LAD1: variants seen among roughly 807,000 people sequenced by gnomAD.
LAD1 encodes ladinin 1, also known as ladinin-1.
In LAD1, 53 loss-of-function variants were observed where a neutral mutation model predicts 54.2. That is an observed-to-expected ratio of 0.98 (90% CI 0.78 to 1.23). LAD1 has a LOEUF of 1.23. Among genes scored for constraint, LAD1 ranks in the 50% most tolerant of loss-of-function variants. The pLI is 0.00. For synonymous variants in LAD1, 231 were observed against 257.7 expected (o/e 0.90, Z 0.99); for missense variants, 637 against 653.3 (o/e 0.98, Z 0.27).
At chr1:201,397,160 TG>T in intron 1 of LAD1, 1 of 152,604 alleles carries the variant, frequency 6.6e-6, no homozygotes. Flanking sequence ...CCTCCCCACC[TG>T]GGACCGTGCT....
rs1661988110 is a variant in LAD1 at position 201,382,730 on chromosome 1, T to G, written c.1396A>C (p.Arg466=). ...CTTGATGTCACAACCCCTGAGAGCC[T>G]CAAGTTCTCCTAAAAAGAGAACTTT... The part of the protein sequence containing the change: ...EPASSRKENL[R]LSGVVTSRLN... The change falls in exon 8 of 10, where the codon AGG becomes CGG. Residue 466 remains arginine (R), a synonymous_variant. Coordinates refer to ENST00000391967, the MANE Select transcript of LAD1 (RefSeq NM_005558.4). 4 of 1,601,546 alleles carry G rather than the reference T, an allele frequency of 2.5e-6. No homozygotes were observed. The highest frequency in any genetic ancestry group is 1.7e-6 in the Non-Finnish European group (2 of 1,174,032).
Position 201,385,733 on chromosome 1 carries a change from T to C in LAD1, c.1099A>G (p.Lys367Glu). ...PTQRTYSSSL[K>E]RSSPRTISFR... ...GAGATGGTCCTGGGGCTGGAGCGTT[T>C]GAGGGAGCTGCTGTAGGTTCGCTGT... Residue 367 changes from lysine to glutamate, a missense_variant, in exon 4 of 10, where the codon AAA (lysine) becomes GAA (glutamate). Lys to Glu is a moderately conservative substitution (Grantham distance 56). Transcript: ENST00000391967. 1 of 1,614,120 alleles carries C rather than the reference T, an allele frequency of 6.2e-7. No individual in the cohort carries two copies. The highest frequency in any genetic ancestry group is 8.5e-7 in the Non-Finnish European group (1 of 1,179,970).
At chr1:201,387,878 C>T (rs936222901) in intron 2 of LAD1, among the ~76,000 whole-genome samples, 17 of 152,230 alleles carry the variant, frequency 1.1e-4, no homozygotes, top group African/African-American at 3.6e-4. Context: ...TTTCCTTCCT[C>T]ATCACCCTGC....
At position 201,381,933 on chromosome 1, in the gene LAD1, T is replaced by C. The variant is rs1224843567; in HGVS notation, c.1549-40A>G. ...GCTGTTAGCACAAGTCAATGGGGTG[T>C]CAGGGATGGAAGGGGAAGGGGGCCA... On this transcript the variant is annotated intron_variant, in intron 9 of 9. Transcript: ENST00000391967. 1.9e-6 allele frequency: 3 copies of C among 1,608,450 alleles called. No individual in the cohort carries two copies. The African/African-American group carries it at 4.0e-5, about 22-fold the overall frequency.
intron 9 of LAD1, 98 bp from the exon 10 acceptor site, chr1:201,381,991 C>T: frequency 7.5e-7 from 1 of 1,326,374 alleles, no homozygotes; most frequent in South Asian, 1.3e-5. Context: ...GCCCAAGCCC[C>T]ACACCCACAA....
Position 201,382,652 on chromosome 1 carries a change from C to T in LAD1, c.1473+1G>A. The T allele has an allele frequency of 3.1e-6, 5 of 1,595,090 alleles. No homozygotes were observed. The highest frequency in any genetic ancestry group is 4.3e-6 in the Non-Finnish European group (5 of 1,170,370). ...AGAGACATCAGGGAGGGTGAGGATA[C>T]CTGGGGGTCCTGATCTCCAGATTCC... is the stretch of plus-strand genomic sequence containing the variant. On this transcript the variant is annotated splice_donor_variant, in intron 8 of 9. Coordinates refer to ENST00000391967, the MANE Select transcript of LAD1 (RefSeq NM_005558.4). LOFTEE classifies it high-confidence loss of function.
intron 1 of LAD1, among the ~76,000 whole-genome samples, chr1:201,389,668 AAAG>A (rs1282705111): frequency 6.6e-6 from 1 of 151,850 alleles, no homozygotes; most frequent in African/African-American, 2.4e-5. Context: ...AAAAAAAAAA[AAAG>A]ATTAGCCGGG....
intron 2 of LAD1, among the ~76,000 whole-genome samples, chr1:201,387,402 T>C (rs1662114408): frequency 6.6e-6 from 1 of 152,188 alleles, no homozygotes; most frequent in South Asian, 2.1e-4. Context: ...TAAATTCCTA[T>C]GAAGTCCAAC....
chr1:201,387,793 A>G (rs1382046889), intron 2 of LAD1, among the ~76,000 whole-genome samples: 1 of 152,014 alleles, frequency 6.6e-6, no homozygotes, highest in African/African-American at 2.4e-5. Context: ...TTCTTGGGGG[A>G]CCCAAAGAAA....
rs1226183303 is a variant in LAD1 at position 201,381,303 on chromosome 1, C to T, written c.*585G>A. On this transcript the variant is annotated 3_prime_UTR_variant, in exon 10 of 10. Coordinates refer to ENST00000391967, the MANE Select transcript of LAD1 (RefSeq NM_005558.4). ...TGGTTGCACACAAAAAGGCACTTAG[C>T]TCCTGGCCATGGCAGCCGGCCAGGG... 6.2e-6 allele frequency: 1 copy of T among 161,348 alleles called. No homozygotes were observed. The highest frequency in any genetic ancestry group is 2.4e-5 in the African/African-American group (1 of 41,362). 10.0% of individuals were successfully genotyped at this position (161,348 alleles called of 1,614,324 possible). A position where few individuals can be genotyped will look rare whatever the true frequency, so the allele number is the denominator to read the frequency against.
At chr1:201,399,233 G>A in intron 1 of LAD1, 36 bp downstream of exon 1, 2 of 1,514,522 alleles carry the variant, frequency 1.3e-6, no homozygotes, top group Non-Finnish European at 8.9e-7. Flanking sequence ...GCTCCCCGCC[G>A]ACCCCCCGCC....
chr1:201,383,642 T>C (rs754180576), intron 5 of LAD1: 4 of 524,428 alleles, frequency 7.6e-6, no homozygotes, highest in East Asian at 6.9e-5. Context: ...TCATTTCCAC[T>C]GCAAAACACC....
In LAD1 at chr1:201,385,696, C is replaced by G. The variant is rs990893513; in HGVS notation, c.1131+5G>C. On this transcript the variant is annotated splice_donor_5th_base_variant and intron_variant, in intron 4 of 9. Coordinates refer to ENST00000391967, the MANE Select transcript of LAD1 (RefSeq NM_005558.4). ...CTCGCAGACCAGGGTGCCCAGGGCT[C>G]TCACCCGAAAGGAGATGGTCCTGGG... 2 of 1,610,730 alleles carry G rather than the reference C, an allele frequency of 1.2e-6. No homozygotes were observed. The highest frequency in any genetic ancestry group is 2.7e-5 in the African/African-American group (2 of 74,958).
At chr1:201,391,198 G>A (rs1347661665) in intron 1 of LAD1, 2 of 449,554 alleles carry the variant, frequency 4.4e-6, no homozygotes, top group Admixed American at 4.9e-5. Context: ...CCACAGATCT[G>A]GATGAAAATC....
rs781725323 is a variant in LAD1 at position 201,383,136 on chromosome 1, G to A, written c.1324C>T (p.Arg442Cys). Reference protein sequence around the residue: ...FVAPVGVASKRHLFEKELAGQ... With the variant: ...FVAPVGVASKCHLFEKELAGQ... ...GCCAGTTCCTTCTCAAAGAGGTGGC[G>A]CTTGCTGGCTACACCCACAGGAGCC... Residue 442 changes from arginine to cysteine, a missense_variant, in exon 7 of 10, where the codon CGC becomes TGC. Transcript: ENST00000391967. 3.5e-5 allele frequency: 56 copies of A among 1,613,900 alleles called. No homozygotes were observed. The highest frequency in any genetic ancestry group is 2.4e-4 in the African/African-American group (18 of 74,872).
intron 3 of LAD1, 39 bp from the exon 4 acceptor site, chr1:201,385,844 G>C: frequency 6.8e-7 from 1 of 1,476,426 alleles, no homozygotes; most frequent in Non-Finnish European, 9.5e-7. Context: ...AGAGGTCTAG[G>C]GCCCATCAAG....
intron 1 of LAD1, among the ~76,000 whole-genome samples, chr1:201,393,456 A>G (rs1450520586): frequency 2.6e-5 from 4 of 152,188 alleles, no homozygotes; most frequent in African/African-American, 7.2e-5. Context: ...ATAGCATGGA[A>G]CAGTAGTGGC....
At chr1:201,397,810 CCACA>C (rs4019989) in intron 1 of LAD1, among the ~76,000 whole-genome samples, 5 of 150,782 alleles carry the variant, frequency 3.3e-5, no homozygotes, top group Non-Finnish European at 4.4e-5. Context: ...CACAAGTATG[CCACA>C]CACACACACA....
At chr1:201,398,421 C>G (rs1662338703) in intron 1 of LAD1, among the ~76,000 whole-genome samples, 1 of 152,172 alleles carries the variant, frequency 6.6e-6, no homozygotes, top group Non-Finnish European at 1.5e-5. Flanking sequence ...GCAGGAGCCT[C>G]AGTTTCCTTA....
Sources: gnomAD v4.1 joint callset for allele counts (sites outside exome capture counted in the v4.1 genomes callset) on GRCh38, gnomAD v4.1.1 for gene constraint, MANE v1.5 for transcripts, NCBI Gene and HGNC (gene_info 2026-07-23, HGNC 2026-07-21) for gene names.